PCDHA6: variants seen among roughly 807,000 people sequenced by gnomAD.
The protein encoded by PCDHA6 is protocadherin alpha-6.
PCDHA6 carries 55 observed loss-of-function variants against 60.3 expected under a neutral mutation model. The ratio of observed to expected loss-of-function variants is 0.91; its 90% CI spans 0.73 to 1.14. The LOEUF is 1.14. Ranked by LOEUF, PCDHA6 falls within the 50% of genes most tolerant of loss-of-function variation. The pLI is 0.00. For synonymous variants in PCDHA6, 652 were observed against 557.9 expected, an observed-to-expected ratio of 1.17 and a Z score of -2.38; for missense variants, 1,327 against 1,256.5, an observed-to-expected ratio of 1.06 and a Z score of -0.85.
intron 1 of PCDHA6, among the ~76,000 whole-genome samples, chr5:140,925,533 A>C (rs1334031760): frequency 1.3e-5 from 2 of 152,062 alleles, no homozygotes; most frequent in Non-Finnish European, 2.9e-5. Flanking sequence ...AAGCGAGGAG[A>C]AATACCTAAT....
chr5:140,975,591 G>A (rs1421434713), intron 1 of PCDHA6, among the ~76,000 whole-genome samples: 1 of 152,198 alleles, frequency 6.6e-6, no homozygotes, highest in African/African-American at 2.4e-5. Flanking sequence ...GTCCCAGAGG[G>A]CAATTTGTTG....
intron 1 of PCDHA6, chr5:140,848,033 C>T (rs1781291079): frequency 6.3e-6 from 1 of 158,434 alleles, no homozygotes; most frequent in Non-Finnish European, 1.4e-5. Flanking sequence ...CGTGATTGCT[C>T]AATGGAATCA....
Position 140,829,893 on chromosome 5 carries a change from C to T in PCDHA6, c.1802C>T (p.Ser601Leu). ...VAKVRAVDAD[S>L]GYNAWLSYEL... ...AAGGTGCGCGCAGTTGACGCCGACT[C>T]AGGCTACAACGCGTGGCTTTCGTAT... The change falls in exon 1 of 4, where the codon TCA becomes TTA. Residue 601 changes from serine (S) to leucine (L), a missense_variant. Coordinates refer to ENST00000529310, the MANE Select transcript of PCDHA6 (RefSeq NM_018909.4). 6.2e-7 allele frequency: 1 copy of T among 1,613,966 alleles called. No individual in the cohort carries two copies. Among genetic ancestry groups the T allele is most frequent in the South Asian group, 1.1e-5 (1 of 91,074 alleles).
intron 1 of PCDHA6, chr5:140,849,462 G>GTC (rs2150438289): frequency 6.3e-7 from 1 of 1,588,650 alleles, no homozygotes; most frequent in Non-Finnish European, 8.6e-7. Context: ...AGTCGAGGCT[G>GTC]TCGATAAAGG....
intron 1 of PCDHA6, chr5:140,857,099 G>C (rs2044359336): frequency 1.9e-6 from 3 of 1,597,240 alleles, no homozygotes; most frequent in Non-Finnish European, 2.6e-6. Context: ...TGAGGTGATT[G>C]TCACTTCTCT....
In PCDHA6 at chr5:140,856,566, C is replaced by T. The variant is rs2044089469; in HGVS notation, c.2394+26081C>T. On this transcript the variant is annotated intron_variant, in intron 1 of 3. Transcript: ENST00000529310. ...GCATTGCTTACTTACAAACTCAGTC[C>T]AAATGAGTATTTTGTTCTTGATATT... is the stretch of plus-strand genomic sequence containing the variant. 2.5e-6 allele frequency: 4 copies of T among 1,597,124 alleles called. 1 individual carries two copies. Among genetic ancestry groups the T allele is most frequent in the Non-Finnish European group, 3.4e-6 (4 of 1,166,856 alleles).
chr5:140,928,875 T>C (rs781860300), intron 1 of PCDHA6: 1 of 1,614,184 alleles, frequency 6.2e-7, no homozygotes, highest in Non-Finnish European at 8.5e-7. Context: ...ACTCTGTCCC[T>C]CAGTTACTTC....
intron 1 of PCDHA6, chr5:140,848,643 C>CAGG (rs2150415990): frequency 1.3e-6 from 2 of 1,593,132 alleles, no homozygotes; most frequent in African/African-American, 2.7e-5. Context: ...CCGCATCGCG[C>CAGG]AGGACCTGGG....
intron 1 of PCDHA6, chr5:140,929,584 A>T: frequency 2.3e-6 from 1 of 433,584 alleles, no homozygotes; most frequent in Non-Finnish European, 4.1e-6. Context: ...GTAATATGAC[A>T]TAAAGGTCTA....
At chr5:140,878,806 G>A (rs1413152690) in intron 1 of PCDHA6, among the ~76,000 whole-genome samples, 1 of 152,144 alleles carries the variant, frequency 6.6e-6, no homozygotes, top group African/African-American at 2.4e-5. Context: ...AAAAACATAT[G>A]GGGGTCTTGC....
chr5:140,836,387 G>T (rs1435398883), intron 1 of PCDHA6: 1 of 1,613,748 alleles, frequency 6.2e-7, no homozygotes, highest in Non-Finnish European at 8.5e-7. Flanking sequence ...TGCTGGTGTC[G>T]CTGGTGGAAA....
chr5:140,956,522 C>T (rs1043265748), intron 1 of PCDHA6, among the ~76,000 whole-genome samples: 14 of 152,116 alleles, frequency 9.2e-5, no homozygotes, highest in Non-Finnish European at 1.9e-4. Flanking sequence ...GGTGAATAAG[C>T]TTTTTGATGT....
rs1554139478 is a variant in PCDHA6 at position 140,842,864 on chromosome 5, G to A, written c.2394+12379G>A. The stretch of plus-strand genomic sequence containing the variant: ...CTACATTTCGGTGCACACGGAGAGC[G>A]GCAAGGTGTACGCGCTGCAGCCGCT... On this transcript the variant is annotated intron_variant, in intron 1 of 3. Transcript: ENST00000529310. 2.5e-6 allele frequency: 4 copies of A among 1,594,034 alleles called. 1 individual carries two copies. Among genetic ancestry groups the A allele is most frequent in the Middle Eastern group, 2.1e-4 (1 of 4,754 alleles).
At chr5:140,933,490 A>G (rs1554209400) in intron 1 of PCDHA6, among the ~76,000 whole-genome samples, 1 of 152,104 alleles carries the variant, frequency 6.6e-6, no homozygotes, top group African/African-American at 2.4e-5. Flanking sequence ...GTTATTCTTT[A>G]GAATTGTTAA....
At chr5:140,866,463 T>C (rs1372484700) in intron 1 of PCDHA6, 1 of 152,128 alleles carries the variant, frequency 6.6e-6, no homozygotes, top group Non-Finnish European at 1.5e-5. Flanking sequence ...GCTGGGAAGC[T>C]CATAACAACT....
rs1770340473 is a variant in PCDHA6, at chr5:140,829,492, C to G, written c.1401C>G (p.Asn467Lys). ...AGTACACAGTGTTCGTGAAGGAGAACAACCCGCCGGGCTGCCACATCTTCA... is the reference window on the plus strand; with the variant it reads ...AGTACACAGTGTTCGTGAAGGAGAAGAACCCGCCGGGCTGCCACATCTTCA... ...QPEYTVFVKE[N>K]NPPGCHIFTV... is the part of the protein sequence containing the mutation. Residue 467 changes from asparagine to lysine, a missense_variant, in exon 1 of 4, where the codon AAC becomes AAG. Coordinates refer to ENST00000529310, the MANE Select transcript of PCDHA6 (RefSeq NM_018909.4). The G allele has an allele frequency of 1.2e-6, 2 of 1,613,578 alleles. No individual in the cohort carries two copies. Among genetic ancestry groups the G allele is most frequent in the Non-Finnish European group, 1.7e-6 (2 of 1,179,978 alleles).
At chr5:140,852,307 G>A (rs2042297271) in intron 1 of PCDHA6, 5 of 377,800 alleles carry the variant, frequency 1.3e-5, no homozygotes, top group African/African-American at 2.2e-5. Context: ...AGACGGAGTC[G>A]TTTTCTGCCA....
At chr5:140,927,349 G>T in intron 1 of PCDHA6, 1 of 1,614,016 alleles carries the variant, frequency 6.2e-7, no homozygotes, top group Non-Finnish European at 8.5e-7. Flanking sequence ...AGATGACGAC[G>T]AGGGAAGCAA....
intron 1 of PCDHA6, chr5:140,863,282 A>T (rs782183211): frequency 6.8e-7 from 1 of 1,461,396 alleles, no homozygotes; most frequent in East Asian, 3.4e-5. Context: ...GTGGATGTCA[A>T]CGTGTACCTG....
Sources: gnomAD v4.1 joint callset for allele counts (sites outside exome capture counted in the v4.1 genomes callset) on GRCh38, gnomAD v4.1.1 for gene constraint, MANE v1.5 for transcripts, NCBI Gene and HGNC (gene_info 2026-07-23, HGNC 2026-07-21) for gene names.